Variants in MAML1 observed in about 807,000 individuals in gnomAD.
The protein encoded by MAML1 is mastermind-like protein 1.
In MAML1, 14 loss-of-function variants were observed where a neutral mutation model predicts 77.1. That is an observed-to-expected ratio of 0.18 (90% CI 0.12 to 0.28). The LOEUF (loss-of-function observed/expected upper bound fraction) is 0.28, where lower values mean the gene tolerates loss of function less well. MAML1 is among the 10% of genes least tolerant of loss of function. MAML1 has a pLI of 1.00. For missense variants in MAML1, 1,217 were observed against 1,327.8 expected, an observed-to-expected ratio of 0.92 and a Z score of 1.30; for synonymous variants, 516 against 551.9, an observed-to-expected ratio of 0.93 and a Z score of 0.91.
Position 179,774,831 on chromosome 5 carries a change from C to T in MAML1, c.3005C>T (p.Ser1002Leu). 1 of 1,613,720 alleles carries T rather than the reference C, an allele frequency of 6.2e-7. No homozygotes were observed. Among genetic ancestry groups the T allele is most frequent in the Non-Finnish European group, 8.5e-7 (1 of 1,179,730 alleles). The change falls in exon 5 of 5, where the codon TCA becomes TTA. Residue 1002 changes from serine (S) to leucine (L), a missense_variant. This residue lies in a region of MAML1 where 884 missense variants were observed against 949.3 expected (regional missense o/e 0.93). Coordinates refer to ENST00000292599, the MANE Select transcript of MAML1 (RefSeq NM_014757.5). ...GACTCCCTGCTGAAGAACAGGACTT[C>T]AGAGGAGTGGATGAGTGATTTGGAC... The part of the protein sequence containing the change: ...LIDSLLKNRT[S>L]EEWMSDLDDL...
At chr5:179,761,395 C>T (rs1350854923) in intron 1 of MAML1, among the ~76,000 whole-genome samples, 1 of 150,920 alleles carries the variant, frequency 6.6e-6, no homozygotes, top group African/African-American at 2.4e-5. Flanking sequence ...GACCCTGTCT[C>T]TTAAAAAAAA....
chr5:179,768,542 C>T (rs1210537326), intron 2 of MAML1, among the ~76,000 whole-genome samples: 2 of 152,246 alleles, frequency 1.3e-5, no homozygotes, highest in Admixed American at 1.3e-4. Context: ...GCCTCGATTG[C>T]TTACTGGAAC....
intron 1 of MAML1, among the ~76,000 whole-genome samples, chr5:179,740,360 T>C (rs1335052485): frequency 6.6e-6 from 1 of 152,074 alleles, no homozygotes; most frequent in African/African-American, 2.4e-5. Context: ...AAGCTCCGCC[T>C]CCCGGGTTCA....
In MAML1 at chr5:179,758,896, G is replaced by A. The variant is rs1453329717; in HGVS notation, c.316-6430G>A. ...CGCACGCCTGTCATCCCAGCTACCC[G>A]GGAGGCTGAGGCAGGAGAATAGCTT... On this transcript the variant is annotated intron_variant, in intron 1 of 4. Transcript: ENST00000292599. 4.6e-5 allele frequency among the ~76,000 whole-genome samples: 7 copies of A among 151,990 alleles called. 1 individual carries two copies. The highest frequency in any genetic ancestry group is 7.2e-5 in the African/African-American group (3 of 41,382).
intron 1 of MAML1, among the ~76,000 whole-genome samples, chr5:179,740,697 G>A (rs1398831248): frequency 6.6e-6 from 1 of 152,118 alleles, no homozygotes; most frequent in African/African-American, 2.4e-5. Context: ...GGGGCTGGTG[G>A]TAGCAGTGGA....
chr5:179,748,093 A>AT lies in MAML1; in HGVS notation c.315+14673dup, dbSNP rs1256894842. ...ACACTATTGCATACTTTATTTACTA[A>AT]TTTTTTTGACATGGAGCCTCACTCT... On this transcript the variant is annotated intron_variant, in intron 1 of 4. Transcript: ENST00000292599. Among the ~76,000 whole-genome samples the AT allele has an allele frequency of 2.0e-5, 3 of 151,958 alleles. No individual in the cohort carries two copies. The South Asian group carries it at 6.2e-4, about 32-fold the overall frequency.
chr5:179,753,669 T>A (rs1469125857), intron 1 of MAML1, among the ~76,000 whole-genome samples: 2 of 141,972 alleles, frequency 1.4e-5, no homozygotes, highest in African/African-American at 5.1e-5. Flanking sequence ...TTTTTTTTTT[T>A]TTTTTTTTGA....
At chr5:179,747,576 C>T (rs535562039) in intron 1 of MAML1, among the ~76,000 whole-genome samples, 9 of 152,120 alleles carry the variant, frequency 5.9e-5, no homozygotes, top group African/African-American at 2.2e-4. Context: ...TTCGGGAGGC[C>T]GAGGCGGGCG....
At chr5:179,736,861 T>A (rs1779180658) in intron 1 of MAML1, among the ~76,000 whole-genome samples, 1 of 151,286 alleles carries the variant, frequency 6.6e-6, no homozygotes. Context: ...CACGGGAGGC[T>A]GAGGGAGGAG....
chr5:179,737,281 C>T (rs949785979), intron 1 of MAML1, among the ~76,000 whole-genome samples: 3 of 152,036 alleles, frequency 2.0e-5, no homozygotes, highest in South Asian at 2.1e-4. Flanking sequence ...GGAAGAGGGA[C>T]GCTTTGCATT....
intron 1 of MAML1, among the ~76,000 whole-genome samples, chr5:179,755,702 CT>C (rs398000090): frequency 0.027 from 3,864 of 141,952 alleles, 52 homozygotes; most frequent in Middle Eastern, 0.075. Flanking sequence ...ATGCATGGAC[CT>C]TTTTTTTTTT....
Position 179,774,657 on chromosome 5 carries a change from G to A in MAML1, c.2831G>A (p.Ser944Asn). The part of the protein sequence containing the change: ...AGPELGAFSQ[S>N]PASQMGGRAG... ...CCTGAGCTGGGGGCCTTCAGCCAGA[G>A]CCCTGCCTCACAGATGGGCGGTCGG... The change falls in exon 5 of 5, where the codon AGC (serine) becomes AAC (asparagine). Residue 944 changes from serine to asparagine, a missense_variant. Physicochemically the swap from Ser to Asn is conservative, Grantham distance 46. Around this residue, in one of 3 missense-constraint regions of MAML1, gnomAD observed 884 missense variants for 949.3 expected, o/e 0.93. Transcript: ENST00000292599. The A allele has an allele frequency of 5.6e-6, 9 of 1,610,664 alleles. No homozygotes were observed. Among genetic ancestry groups the A allele is most frequent in the Non-Finnish European group, 7.6e-6 (9 of 1,179,380 alleles).
At chr5:179,748,687 C>G (rs1361219489) in intron 1 of MAML1, among the ~76,000 whole-genome samples, 1 of 152,182 alleles carries the variant, frequency 6.6e-6, no homozygotes, top group African/African-American at 2.4e-5. Flanking sequence ...TTGTGCCTAG[C>G]ACTAGGGAAG....
chr5:179,746,581 C>T (rs1034760005), intron 1 of MAML1, among the ~76,000 whole-genome samples: 3 of 151,900 alleles, frequency 2.0e-5, no homozygotes, highest in East Asian at 3.9e-4. Flanking sequence ...CCACGTTGGT[C>T]AGGCTGGTCT....
rs1317447959 is a variant in MAML1, at chr5:179,768,933, C to T, written c.1815C>T (p.Ser605=). The T allele has an allele frequency of 6.2e-7, 1 of 1,614,198 alleles. No individual in the cohort carries two copies. The highest frequency in any genetic ancestry group is 8.5e-7 in the Non-Finnish European group (1 of 1,180,056). The stretch of plus-strand genomic sequence containing the variant: ...CGCCTGCCGTGTCCGTGGCCAGCTC[C>T]CACAACAGCTCCCCCTATCTCAGCA... ...TQPPAVSVAS[S]HNSSPYLSSQ... is the part of the protein sequence containing the mutation. The change falls in exon 3 of 5, where the codon TCC becomes TCT. Residue 605 remains serine (S), a synonymous_variant. Coordinates refer to ENST00000292599, the MANE Select transcript of MAML1 (RefSeq NM_014757.5).
At chr5:179,760,321 G>A (rs1779703185) in intron 1 of MAML1, among the ~76,000 whole-genome samples, 1 of 152,038 alleles carries the variant, frequency 6.6e-6, no homozygotes, top group Non-Finnish European at 1.5e-5. Context: ...TGGTGTGGGT[G>A]GTAGGTGATG....
chr5:179,739,146 C>T (rs936231586), intron 1 of MAML1, among the ~76,000 whole-genome samples: 2 of 152,036 alleles, frequency 1.3e-5, no homozygotes, highest in African/African-American at 4.8e-5. Context: ...TCTGCATCTG[C>T]GGATTCAACC....
intron 1 of MAML1, among the ~76,000 whole-genome samples, chr5:179,764,602 G>C (rs375229918): frequency 2.2e-4 from 33 of 151,786 alleles, no homozygotes; most frequent in African/African-American, 7.7e-4. Context: ...GGAGGTTGCT[G>C]TGAGCCAAGA....
chr5:179,744,672 G>A (rs987425437), intron 1 of MAML1, among the ~76,000 whole-genome samples: 1 of 151,206 alleles, frequency 6.6e-6, no homozygotes, highest in Non-Finnish European at 1.5e-5. Flanking sequence ...TAGCTACCAT[G>A]CCCGGCTAAT....
Sources: gnomAD v4.1 joint callset for allele counts (sites outside exome capture counted in the v4.1 genomes callset) on GRCh38, gnomAD v4.1.1 for gene constraint, gnomAD v4.1.1 regional missense constraint, MANE v1.5 for transcripts, NCBI Gene and HGNC (gene_info 2026-07-23, HGNC 2026-07-21) for gene names.